ROBO1: variants seen among roughly 807,000 people sequenced by gnomAD.
ROBO1 encodes the protein roundabout homolog 1.
ROBO1 carries 149 observed loss-of-function variants against 195.9 expected under a neutral mutation model. That is an observed-to-expected ratio of 0.76 (90% CI 0.67 to 0.87). The LOEUF (loss-of-function observed/expected upper bound fraction) is 0.87, where lower values mean the gene tolerates loss of function less well. Ranked by LOEUF, ROBO1 falls within the 40% of genes least tolerant of loss-of-function variation. The pLI is 0.00. For synonymous variants in ROBO1, 816 were observed against 733.2 expected (o/e 1.11, Z -1.82); for missense variants, 1,933 against 2,068.3 (o/e 0.93, Z 1.27).
chr3:79,099,416 A>C lies in ROBO1; in HGVS notation c.172+26040T>G, dbSNP rs144375038. Among the ~76,000 whole-genome samples, 47 of 151,872 alleles carry C rather than the reference A, an allele frequency of 3.1e-4. 2 individuals are homozygous for C. The East Asian group carries it at 9.0e-3, about 29-fold the overall frequency. On this transcript the variant is annotated intron_variant, in intron 3 of 30. Coordinates refer to ENST00000464233, the MANE Select transcript of ROBO1 (RefSeq NM_002941.4). Reference sequence around the variant, plus strand: ...CAAGAACCACCTAAGTGCCAGTAGAAGACAAAATAAGACCTTTTGGAGCAA... The same window carrying C: ...CAAGAACCACCTAAGTGCCAGTAGACGACAAAATAAGACCTTTTGGAGCAA...
intron 5 of ROBO1, among the ~76,000 whole-genome samples, chr3:78,737,079 T>C (rs762473905): frequency 1.3e-5 from 2 of 152,152 alleles, no homozygotes; most frequent in African/African-American, 4.8e-5. Context: ...CAGTTGATGA[T>C]AGCATTGCCC....
At chr3:79,271,611 C>T (rs2030565445) in intron 2 of ROBO1, among the ~76,000 whole-genome samples, 4 of 152,070 alleles carry the variant, frequency 2.6e-5, no homozygotes, top group Non-Finnish European at 4.4e-5. Context: ...CAGCTACTGA[C>T]TGTCTCCTAT....
chr3:79,702,532 A>G (rs1160453616), intron 1 of ROBO1, among the ~76,000 whole-genome samples: 1 of 151,914 alleles, frequency 6.6e-6, no homozygotes, highest in African/African-American at 2.4e-5. Flanking sequence ...CTGGGATCCA[A>G]TAACAATTCC....
At chr3:79,550,231 G>GAAAAGAAAAGAAAAGAA (rs1553762995) in intron 2 of ROBO1, among the ~76,000 whole-genome samples, 15 of 147,304 alleles carry the variant, frequency 1.0e-4, no homozygotes, top group African/African-American at 3.5e-4. Context: ...GAAAAGAAAA[G>GAAAAGAAAAGAAAAGAA]AAAAGAAAAG....
chr3:79,736,591 G>A (rs1322900652), intron 1 of ROBO1, among the ~76,000 whole-genome samples: 5 of 152,116 alleles, frequency 3.3e-5, no homozygotes, highest in East Asian at 1.9e-4. Context: ...CTTACATTCT[G>A]TGTTCTGTGG....
At position 79,375,265 on chromosome 3, in the gene ROBO1, TAGAC is replaced by T. The variant is rs1238490842; in HGVS notation, c.88+214555_88+214558del. Reference sequence around the variant, plus strand: ...ACTCAATAGTTAGATGAGAAAAAGATAGACAGAGTTGGGAAGAGGAGGAAGGGCA... The same window carrying T: ...ACTCAATAGTTAGATGAGAAAAAGATAGAGTTGGGAAGAGGAGGAAGGGCA... On this transcript the variant is annotated intron_variant, in intron 2 of 30. Transcript: ENST00000464233. 3.9e-5 allele frequency among the ~76,000 whole-genome samples: 6 copies of T among 152,198 alleles called. No homozygotes were observed. The South Asian group carries it at 6.2e-4, about 16-fold the overall frequency.
chr3:79,227,842 G>A (rs1195085448), intron 2 of ROBO1, among the ~76,000 whole-genome samples: 1 of 152,094 alleles, frequency 6.6e-6, no homozygotes, highest in Admixed American at 6.6e-5. Context: ...ATATACCTTA[G>A]CATGTTTATT....
At chr3:79,412,884 T>G (rs1343534602) in intron 2 of ROBO1, among the ~76,000 whole-genome samples, 3 of 83,392 alleles carry the variant, frequency 3.6e-5, no homozygotes, top group African/African-American at 9.9e-5. Flanking sequence ...ATTTTTTTTT[T>G]TTTTTTTTTT....
At chr3:78,750,556 AC>A (rs1260321403) in intron 4 of ROBO1, among the ~76,000 whole-genome samples, 1 of 151,876 alleles carries the variant, frequency 6.6e-6, no homozygotes, top group East Asian at 1.9e-4. Flanking sequence ...TATAATCACT[AC>A]TTTTTGAAAA....
intron 2 of ROBO1, among the ~76,000 whole-genome samples, chr3:79,558,486 C>T (rs1485340434): frequency 6.6e-6 from 1 of 152,136 alleles, no homozygotes; most frequent in Non-Finnish European, 1.5e-5. Flanking sequence ...GGCTTCTGGT[C>T]AACTGTTGGC....
intron 4 of ROBO1, among the ~76,000 whole-genome samples, chr3:78,811,220 T>C (rs1295324794): frequency 1.3e-5 from 2 of 152,162 alleles, no homozygotes; most frequent in Non-Finnish European, 2.9e-5. Context: ...GCCAAAATGA[T>C]TTGGATTTCA....
At chr3:78,750,597 A>T (rs1275926141) in intron 4 of ROBO1, among the ~76,000 whole-genome samples, 1 of 152,148 alleles carries the variant, frequency 6.6e-6, no homozygotes, top group African/African-American at 2.4e-5. Flanking sequence ...CAATTCTCAA[A>T]ATAAGTAAAC....
intron 2 of ROBO1, among the ~76,000 whole-genome samples, chr3:79,448,866 A>G (rs1212668528): frequency 1.3e-5 from 2 of 152,172 alleles, no homozygotes; most frequent in African/African-American, 4.8e-5. Flanking sequence ...GTTCATTGAT[A>G]CCTCCATTAT....
intron 1 of ROBO1, among the ~76,000 whole-genome samples, chr3:79,688,303 G>C (rs1366890260): frequency 6.6e-6 from 1 of 151,794 alleles, no homozygotes; most frequent in African/African-American, 2.4e-5. Flanking sequence ...CACCAACATG[G>C]CACATGTATA....
intron 1 of ROBO1, among the ~76,000 whole-genome samples, chr3:79,687,134 T>C (rs552945679): frequency 4.7e-4 from 72 of 152,282 alleles, no homozygotes; most frequent in African/African-American, 1.7e-3. Flanking sequence ...CTCTATTTAA[T>C]AAATGGTGCT....
At chr3:79,537,011 C>T (rs1941893495) in intron 2 of ROBO1, among the ~76,000 whole-genome samples, 1 of 147,822 alleles carries the variant, frequency 6.8e-6, no homozygotes, top group South Asian at 2.2e-4. Context: ...TACCCTTTAA[C>T]TTATACTCAC....
At chr3:79,099,208 C>G (rs2079629154) in intron 3 of ROBO1, among the ~76,000 whole-genome samples, 1 of 151,640 alleles carries the variant, frequency 6.6e-6, no homozygotes, top group South Asian at 2.1e-4. Context: ...TTTCAAAACA[C>G]ACTTGTATTT....
At chr3:79,275,305 G>T (rs989086568) in intron 2 of ROBO1, among the ~76,000 whole-genome samples, 1 of 151,898 alleles carries the variant, frequency 6.6e-6, no homozygotes, top group Non-Finnish European at 1.5e-5. Flanking sequence ...ATTTGTCCCA[G>T]GAGTGCAAAG....
chr3:78,742,284 T>G (rs1200332731), intron 5 of ROBO1, among the ~76,000 whole-genome samples: 1 of 152,098 alleles, frequency 6.6e-6, no homozygotes, highest in African/African-American at 2.4e-5. Context: ...TTTGGCAAAG[T>G]ACATTAACAA....
Sources: allele counts gnomAD v4.1 joint callset (sites outside exome capture counted in the v4.1 genomes callset), GRCh38; gene constraint gnomAD v4.1.1; transcripts MANE v1.5; gene names NCBI Gene and HGNC (gene_info 2026-07-23, HGNC 2026-07-21).